KAZN: variants seen among roughly 807,000 people sequenced by gnomAD.
KAZN encodes kazrin.
In KAZN, 40 loss-of-function variants were observed where a neutral mutation model predicts 87.4. The observed-to-expected ratio is 0.46, with a 90% confidence interval of 0.36 to 0.60. KAZN has a LOEUF of 0.60. Among genes scored for constraint, KAZN ranks in the 20% least tolerant of loss-of-function variants. The pLI, the probability that KAZN is intolerant of heterozygous loss-of-function variation, is 0.00. For synonymous variants in KAZN, 466 were observed against 458.3 expected (o/e 1.02, Z -0.22); for missense variants, 898 against 1,073.9 (o/e 0.84, Z 2.29).
chr1:15,074,324 G>A (rs1257522591), intron 8 of KAZN, among the ~76,000 whole-genome samples: 1 of 152,198 alleles, frequency 6.6e-6, no homozygotes, highest in African/African-American at 2.4e-5. Context: ...TGACGGGTCT[G>A]CAGCATCTCT....
intron 1 of KAZN, among the ~76,000 whole-genome samples, chr1:14,179,993 G>T (rs1227776858): frequency 6.6e-6 from 1 of 152,190 alleles, no homozygotes; most frequent in African/African-American, 2.4e-5. Flanking sequence ...GAGGCCATCT[G>T]CTTAGAGGTA....
chr1:14,295,319 C>T (rs1177208271), intron 2 of KAZN, among the ~76,000 whole-genome samples: 1 of 152,184 alleles, frequency 6.6e-6, no homozygotes, highest in African/African-American at 2.4e-5. Flanking sequence ...AGTTGTCTTT[C>T]CTTCTCAAAG....
intron 1 of KAZN, among the ~76,000 whole-genome samples, chr1:13,997,577 A>T (rs1214633342): frequency 4.6e-5 from 7 of 151,900 alleles, no homozygotes. Flanking sequence ...AAGGATACAC[A>T]AGTATCAACA....
chr1:14,875,676 A>G (rs1267061015), intron 1 of KAZN, among the ~76,000 whole-genome samples: 2 of 152,156 alleles, frequency 1.3e-5, no homozygotes, highest in Non-Finnish European at 2.9e-5. Context: ...TATAAGCCTC[A>G]TACTGGTGGC....
intron 1 of KAZN, among the ~76,000 whole-genome samples, chr1:14,883,355 A>AAAAAGAAAG (rs1553150620): frequency 4.9e-5 from 1 of 20,600 alleles, no homozygotes; most frequent in African/African-American, 1.5e-4. Flanking sequence ...AGAAAGAAAG[A>AAAAAGAAAG]AAAGAAAGAA....
At chr1:14,982,339 TGGGCATGGGACA>T (rs1305521472) in intron 2 of KAZN, among the ~76,000 whole-genome samples, 3 of 151,660 alleles carry the variant, frequency 2.0e-5, no homozygotes, top group East Asian at 1.9e-4. Context: ...TGGGCGGGCT[TGGGCATGGGACA>T]GGGCATGGGA....
At chr1:15,065,996 C>G in intron 8 of KAZN, 1 of 1,337,044 alleles carries the variant, frequency 7.5e-7, no homozygotes, top group Non-Finnish European at 9.5e-7. Flanking sequence ...GTCGCCACCT[C>G]TGTAATTGAT....
chr1:14,242,451 G>T (rs1305323776), intron 2 of KAZN, among the ~76,000 whole-genome samples: 1 of 151,954 alleles, frequency 6.6e-6, no homozygotes, highest in Non-Finnish European at 1.5e-5. Flanking sequence ...GAAAGAGAAA[G>T]AAAAACACTG....
At chr1:14,540,390 C>A (rs559256531) in intron 2 of KAZN, among the ~76,000 whole-genome samples, 2 of 152,276 alleles carry the variant, frequency 1.3e-5, no homozygotes, top group South Asian at 2.1e-4. Context: ...GAAACTGAGG[C>A]CCCGCGGGGT....
At chr1:14,122,035 GC>G (rs1177916193) in intron 1 of KAZN, among the ~76,000 whole-genome samples, 1 of 152,120 alleles carries the variant, frequency 6.6e-6, no homozygotes, top group Non-Finnish European at 1.5e-5. Flanking sequence ...GAAAAGACTG[GC>G]CCCTGCAGGA....
chr1:14,406,158 C>T (rs2101159627), intron 2 of KAZN, among the ~76,000 whole-genome samples: 1 of 152,260 alleles, frequency 6.6e-6, no homozygotes, highest in South Asian at 2.1e-4. Flanking sequence ...CCCCATTCTC[C>T]ACAATCTACT....
chr1:14,059,431 C>A (rs540017748), intron 1 of KAZN, among the ~76,000 whole-genome samples: 1 of 152,170 alleles, frequency 6.6e-6, no homozygotes, highest in Non-Finnish European at 1.5e-5. Context: ...AAGAAATATC[C>A]AGCACAGGAA....
chr1:14,672,479 T>G (rs977466166), intron 1 of KAZN, among the ~76,000 whole-genome samples: 1 of 152,100 alleles, frequency 6.6e-6, no homozygotes, highest in Non-Finnish European at 1.5e-5. Context: ...CTCGAAGAGC[T>G]CCCAAGGCCG....
intron 1 of KAZN, among the ~76,000 whole-genome samples, chr1:13,915,761 GC>G (rs1639829475): frequency 6.6e-6 from 1 of 152,110 alleles, no homozygotes; most frequent in Non-Finnish European, 1.5e-5. Context: ...AGGGGCTTGA[GC>G]CTGGACTCAG....
intron 2 of KAZN, among the ~76,000 whole-genome samples, chr1:14,426,345 A>G (rs571782565): frequency 1.3e-5 from 2 of 152,062 alleles, no homozygotes; most frequent in Non-Finnish European, 2.9e-5. Flanking sequence ...CCTGCCTCAC[A>G]TGTATCACCA....
chr1:14,085,886 A>T (rs1479618325), intron 1 of KAZN, among the ~76,000 whole-genome samples: 2 of 152,198 alleles, frequency 1.3e-5, no homozygotes, highest in Non-Finnish European at 2.9e-5. Flanking sequence ...ATATATGAGA[A>T]TTTCAGTTTT....
chr1:14,723,249 C>T (rs568941230), intron 1 of KAZN, among the ~76,000 whole-genome samples: 5 of 152,276 alleles, frequency 3.3e-5, no homozygotes, highest in African/African-American at 1.2e-4. Flanking sequence ...TCCTGACTCC[C>T]AGACCTTCTA....
chr1:15,074,144 G>GT (rs1294136095), intron 8 of KAZN, among the ~76,000 whole-genome samples: 1 of 152,250 alleles, frequency 6.6e-6, no homozygotes, highest in East Asian at 1.9e-4. Flanking sequence ...CAGGACAGTG[G>GT]TTTTCCACCT....
intron 2 of KAZN, among the ~76,000 whole-genome samples, chr1:14,382,851 G>C (rs2101054896): frequency 6.6e-6 from 1 of 152,056 alleles, no homozygotes; most frequent in Middle Eastern, 3.4e-3. Flanking sequence ...GGATGGCTGG[G>C]TCAAATGGTG....
Sources: gnomAD v4.1 joint callset for allele counts (sites outside exome capture counted in the v4.1 genomes callset) on GRCh38, gnomAD v4.1.1 for gene constraint, MANE v1.5 for transcripts, NCBI Gene and HGNC (gene_info 2026-07-23, HGNC 2026-07-21) for gene names.